The following KIF13B variants were observed in gnomAD, a reference collection of about 807,000 sequenced individuals.
The protein encoded by KIF13B is kinesin-like protein KIF13B.
KIF13B carries 127 observed loss-of-function variants against 222.0 expected under a neutral mutation model. That is an observed-to-expected ratio of 0.57 (90% CI 0.50 to 0.66). The LOEUF is 0.66. Ranked by LOEUF, KIF13B falls within the 30% of genes least tolerant of loss-of-function variation. The pLI is 0.00. For missense variants in KIF13B, 2,173 were observed against 2,379.0 expected (o/e 0.91, Z 1.80); for synonymous variants, 976 against 919.0 (o/e 1.06, Z -1.12).
In KIF13B at chr8:29,234,555, T is replaced by C. The variant is rs563896934; in HGVS notation, c.149+10791A>G. ...TGTAATGAGCACAGAGTTCCAGTTTTTAAGAAGAGTTCTGAAGATGAATAG... is the reference window on the plus strand; with the variant it reads ...TGTAATGAGCACAGAGTTCCAGTTTCTAAGAAGAGTTCTGAAGATGAATAG... On this transcript the variant is annotated intron_variant, in intron 2 of 39. Transcript: ENST00000524189. 3.4e-5 allele frequency among the ~76,000 whole-genome samples: 5 copies of C among 148,948 alleles called. No homozygotes were observed. The South Asian group carries it at 1.1e-3, about 33-fold the overall frequency.
In KIF13B at chr8:29,142,302, C is replaced by A. The variant is rs765456431; in HGVS notation, c.2189G>T (p.Arg730Leu). The A allele has an allele frequency of 1.2e-6, 2 of 1,610,526 alleles. No homozygotes were observed. Among genetic ancestry groups the A allele is most frequent in the South Asian group, 2.2e-5 (2 of 90,652 alleles). Residue 730 changes from arginine to leucine, a missense_variant and splice_region_variant, in exon 19 of 40, where the codon CGA (arginine) becomes CTA (leucine). Physicochemically the swap from Arg to Leu is moderately radical, Grantham distance 102. Coordinates refer to ENST00000524189, the MANE Select transcript of KIF13B (RefSeq NM_015254.4). Reference sequence around the variant, plus strand: ...TGCAGGCTCACTAAGAAGAGAGCCTCGCTGCAAAGAGAGTAAGAATGACCG... The same window carrying A: ...TGCAGGCTCACTAAGAAGAGAGCCTAGCTGCAAAGAGAGTAAGAATGACCG... ...PASSLDANRK[R>L]GSLLSEPAIQ...
intron 2 of KIF13B, among the ~76,000 whole-genome samples, chr8:29,197,588 A>G (rs7839638): frequency 0.99 from 151,254 of 152,172 alleles, 75,196 homozygotes; most frequent in Middle Eastern, 1. Context: ...GTAAGTTGCA[A>G]ACATGCCTCT....
chr8:29,072,203 T>C lies in KIF13B; in HGVS notation c.4635A>G (p.Thr1545=). The change falls in exon 39 of 40, where the codon ACA becomes ACG. Residue 1545 remains threonine, a synonymous_variant. Coordinates refer to ENST00000524189, the MANE Select transcript of KIF13B (RefSeq NM_015254.4). Reference sequence around the variant, plus strand: ...GTGCCTCCGGAGCCGGGGTGACCGCTGTGACAGCTATGACAGGCGGTGGGG... The same window carrying C: ...GTGCCTCCGGAGCCGGGGTGACCGCCGTGACAGCTATGACAGGCGGTGGGG... ...VPSPPPVIAV[T]AVTPAPEAQD... 6.9e-7 allele frequency: 1 copy of C among 1,459,160 alleles called. No homozygotes were observed. Among genetic ancestry groups the C allele is most frequent in the Non-Finnish European group, 9.0e-7 (1 of 1,108,298 alleles). 90.4% of individuals were successfully genotyped at this position (1,459,160 alleles called of 1,614,324 possible).
intron 2 of KIF13B, among the ~76,000 whole-genome samples, chr8:29,231,425 C>A (rs1434704383): frequency 6.6e-6 from 1 of 152,138 alleles, no homozygotes; most frequent in African/African-American, 2.4e-5. Context: ...ACCCAATCCC[C>A]CAAAGAAGAG....
At chr8:29,164,169 T>C (rs1300475167) in intron 12 of KIF13B, among the ~76,000 whole-genome samples, 1 of 152,266 alleles carries the variant, frequency 6.6e-6, no homozygotes, top group Admixed American at 6.5e-5. Flanking sequence ...TTTTAAAATC[T>C]ATTTTAATCC....
intron 19 of KIF13B, among the ~76,000 whole-genome samples, chr8:29,141,543 T>A (rs1230675612): frequency 6.6e-6 from 1 of 152,240 alleles, no homozygotes; most frequent in Non-Finnish European, 1.5e-5. Flanking sequence ...AACAACTCTA[T>A]GCGGAAACAG....
chr8:29,164,354 G>C (rs1417212915), intron 12 of KIF13B, among the ~76,000 whole-genome samples: 1 of 152,110 alleles, frequency 6.6e-6, no homozygotes, highest in Non-Finnish European at 1.5e-5. Context: ...AAAACAACAG[G>C]GAATTTTAAC....
In KIF13B at chr8:29,068,459, C is replaced by T. The variant is rs1455857159; in HGVS notation, c.*2045G>A. Reference sequence around the variant, plus strand: ...GAAGCAAGAGTGAACAGGGCCTGGGCCCAAATCCACCTGCTCAAGTCAGGA... The same window carrying T: ...GAAGCAAGAGTGAACAGGGCCTGGGTCCAAATCCACCTGCTCAAGTCAGGA... On this transcript the variant is annotated 3_prime_UTR_variant, in exon 40 of 40. Transcript: ENST00000524189. This position sits in a 1 kb window ranked among gnomAD's most constrained non-coding sequence, Gnocchi z 4.4. The T allele has an allele frequency of 6.6e-6, 1 of 152,186 alleles. No individual in the cohort carries two copies. The highest frequency in any genetic ancestry group is 1.5e-5 in the Non-Finnish European group (1 of 68,110). The allele number at this position is 152,186 out of a possible 1,614,324, so 9.4% of individuals were successfully genotyped here.
chr8:29,231,175 C>T (rs76132395), intron 2 of KIF13B, among the ~76,000 whole-genome samples: 12,986 of 152,240 alleles, frequency 0.085, 768 homozygotes, highest in Non-Finnish European at 0.13. Context: ...CCACCACGCC[C>T]GGACGTGTGA....
chr8:29,122,924 G>C (rs1429358774), intron 28 of KIF13B, among the ~76,000 whole-genome samples: 1 of 152,160 alleles, frequency 6.6e-6, no homozygotes, highest in African/African-American at 2.4e-5. Context: ...ATATACTTAA[G>C]GGCTTCCTCT....
chr8:29,075,439 G>A (rs924283028), intron 37 of KIF13B, 96 bp from the exon 38 acceptor site: 11 of 1,117,364 alleles, frequency 9.8e-6, no homozygotes, highest in Admixed American at 7.4e-5. Context: ...GGACCTGCCC[G>A]AGGGGAATCG....
At chr8:29,111,112 T>C (rs191058962) in intron 32 of KIF13B, among the ~76,000 whole-genome samples, 36 of 152,360 alleles carry the variant, frequency 2.4e-4, no homozygotes, top group Non-Finnish European at 4.1e-4. Flanking sequence ...TTTTGTCTTG[T>C]ACAGTAATTC....
chr8:29,146,184 T>C (rs1811050667), intron 18 of KIF13B, 194 bp downstream of exon 18: 1 of 633,556 alleles, frequency 1.6e-6, no homozygotes, highest in African/African-American at 1.8e-5. Flanking sequence ...TATATTCCCC[T>C]AGCAGATAAA....
intron 35 of KIF13B, among the ~76,000 whole-genome samples, chr8:29,105,427 G>A (rs1809008799): frequency 6.6e-6 from 1 of 152,084 alleles, no homozygotes; most frequent in South Asian, 2.1e-4. Context: ...TCAGGGGGAG[G>A]CTTAAGAATG....
chr8:29,087,281 G>C (rs898078300), intron 37 of KIF13B, among the ~76,000 whole-genome samples: 1 of 152,196 alleles, frequency 6.6e-6, no homozygotes, highest in Non-Finnish European at 1.5e-5. Flanking sequence ...TCTACTTCCA[G>C]GTACAGAGCC....
chr8:29,113,332 C>G, intron 32 of KIF13B, 131 bp downstream of exon 32: 1 of 537,476 alleles, frequency 1.9e-6, no homozygotes. Context: ...TTAGAAAATT[C>G]CTCTAAAAAT....
rs1322872520 is a variant in KIF13B, at chr8:29,131,403, G to A, written c.2943-738C>T. Among the ~76,000 whole-genome samples the A allele has an allele frequency of 2.0e-5, 3 of 151,764 alleles. No homozygotes were observed. In the East Asian group the frequency reaches 5.8e-4, roughly 29 times the overall value. On this transcript the variant is annotated intron_variant, in intron 23 of 39. Coordinates refer to ENST00000524189, the MANE Select transcript of KIF13B (RefSeq NM_015254.4). ...CTTTTCGTAGATAGACAAAGGTAGT[G>A]CCATATGCTTCAGTGATGTGCCAAG...
rs1180904272 is a variant in KIF13B, at chr8:29,263,025, A to T, written c.10T>A (p.Ser4Thr). ...ATCCGCACCGCCACTTTCACTTTGG[A>T]GTCCCCCATCCTGCAGCCGCCGAGG... MGDSKVKVAVRIRP... is the reference protein window; with the variant it reads MGDTKVKVAVRIRP... The change falls in exon 1 of 40, where the codon TCC becomes ACC. Residue 4 changes from serine to threonine, a missense_variant. Physicochemically the swap from Ser to Thr is moderately conservative, Grantham distance 58. Coordinates refer to ENST00000524189, the MANE Select transcript of KIF13B (RefSeq NM_015254.4). The T allele has an allele frequency of 1.3e-6, 2 of 1,597,244 alleles. No homozygotes were observed. The highest frequency in any genetic ancestry group is 1.1e-5 in the South Asian group (1 of 88,136).
intron 2 of KIF13B, among the ~76,000 whole-genome samples, chr8:29,201,379 G>T: frequency 6.6e-6 from 1 of 152,146 alleles, no homozygotes; most frequent in East Asian, 1.9e-4. Flanking sequence ...ATCATACAAA[G>T]AAATCAAATT....
Sources: allele counts gnomAD v4.1 joint callset (sites outside exome capture counted in the v4.1 genomes callset), GRCh38; gene constraint gnomAD v4.1.1; non-coding constraint Gnocchi (gnomAD v3.1); transcripts MANE v1.5; gene names NCBI Gene and HGNC (gene_info 2026-07-23, HGNC 2026-07-21).